The following LARP1 variants were observed in gnomAD, a reference collection of about 807,000 sequenced individuals.
LARP1 encodes the protein La ribonucleoprotein 1, translational regulator.
Under a neutral mutation model 122.7 loss-of-function variants are expected in LARP1, and 36 were observed. That is an observed-to-expected ratio of 0.29 (90% CI 0.22 to 0.39). The LOEUF (loss-of-function observed/expected upper bound fraction) is 0.39. Among genes scored for constraint, LARP1 ranks in the 10% least tolerant of loss-of-function variants. The pLI, the probability that LARP1 is intolerant of heterozygous loss-of-function variation, is 1.00. For missense variants in LARP1, 1,040 were observed against 1,403.6 expected (o/e 0.74, Z 4.14); for synonymous variants, 539 against 528.7 (o/e 1.02, Z -0.27).
chr5:154,724,919 G>A (rs1756104379), intron 1 of LARP1, among the ~76,000 whole-genome samples: 2 of 152,096 alleles, frequency 1.3e-5, no homozygotes, highest in Non-Finnish European at 2.9e-5. Flanking sequence ...TGCCCACCTT[G>A]GCCTCCCAAA....
chr5:154,769,433 T>A (rs1431696168), intron 1 of LARP1, among the ~76,000 whole-genome samples: 1 of 152,126 alleles, frequency 6.6e-6, no homozygotes, highest in African/African-American at 2.4e-5. Context: ...CAGAGGAACA[T>A]CCTCATGGGA....
rs545991732 is a variant in LARP1, at chr5:154,772,980, CT to C, written c.436+16810del. Among the ~76,000 whole-genome samples the C allele has an allele frequency of 5.1e-3, 584 of 115,108 alleles. 1 individual carries two copies. Among genetic ancestry groups the C allele is most frequent in the African/African-American group, 0.012 (353 of 28,538 alleles). 75.5% of individuals were successfully genotyped at this position (115,108 alleles called of 152,430 possible). A position where few individuals can be genotyped will look rare whatever the true frequency, so the allele number is the denominator to read the frequency against. ...ACAGGCATGAGCCACCGCACCTGGC[CT>C]TTTTTTTTTTTTTTTTTTTTTTAAA... On this transcript the variant is annotated intron_variant, in intron 1 of 18. Coordinates refer to ENST00000518297, the MANE Select transcript of LARP1 (RefSeq NM_033551.3).
In LARP1 at chr5:154,792,538, C is replaced by T. The variant is rs1757426204; in HGVS notation, c.565-84C>T. ...CATTGCATGCTGTGGCTCCTGCCTG[C>T]CCTTCTAGTGACAGGGAGTGCCTTC... On this transcript the variant is annotated intron_variant, in intron 3 of 18. Transcript: ENST00000518297. 6.3e-6 allele frequency: 8 copies of T among 1,268,684 alleles called. No homozygotes were observed. In the East Asian group the frequency reaches 1.6e-4, roughly 26 times the overall value. The allele number at this position is 1,268,684 out of a possible 1,614,324, so 78.6% of individuals were successfully genotyped here.
chr5:154,756,095 G>T lies in LARP1; in HGVS notation c.338G>T (p.Arg113Leu). Residue 113 changes from arginine to leucine, a missense_variant, in exon 1 of 19, where the codon CGC becomes CTC. Arg to Leu is a moderately radical substitution (Grantham distance 102). Transcript: ENST00000518297. ...GCTGCCGGAGCCGCGGGCGCGGGGC[G>T]CCGGGACTTCGTGGAAGCCCCCCCG... is the stretch of plus-strand genomic sequence containing the variant. ...GGAAGAAGAGRRDFVEAPPPK... is the reference protein window; with the variant it reads ...GGAAGAAGAGLRDFVEAPPPK... 4 of 1,189,604 alleles carry T rather than the reference G, an allele frequency of 3.4e-6. No homozygotes were observed. Among genetic ancestry groups the T allele is most frequent in the Non-Finnish European group, 4.3e-6 (4 of 939,598 alleles). 73.7% of individuals were successfully genotyped at this position (1,189,604 alleles called of 1,614,324 possible).
At chr5:154,734,525 T>C (rs1343426391) in intron 1 of LARP1, among the ~76,000 whole-genome samples, 1 of 152,210 alleles carries the variant, frequency 6.6e-6, no homozygotes, top group Non-Finnish European at 1.5e-5. Flanking sequence ...AATTTACATA[T>C]ATTAGAATAG....
At chr5:154,749,551 TCTC>T (rs1320321146) in intron 1 of LARP1, among the ~76,000 whole-genome samples, 1 of 152,122 alleles carries the variant, frequency 6.6e-6, no homozygotes, top group Admixed American at 6.5e-5. Flanking sequence ...GCCATTTACA[TCTC>T]CTTCACAGGA....
In LARP1 at chr5:154,790,625, A is replaced by AT; in HGVS notation, c.499-19dup. 6.2e-7 allele frequency: 1 copy of AT among 1,613,828 alleles called. No homozygotes were observed. The highest frequency in any genetic ancestry group is 8.5e-7 in the Non-Finnish European group (1 of 1,179,732). ...AGACAGGGTCACTCCTGGGGCCCTC[A>AT]TAGTGTATGTTCCCTGCAGGTTGGT... On this transcript the variant is annotated intron_variant, in intron 2 of 18. Coordinates refer to ENST00000518297, the MANE Select transcript of LARP1 (RefSeq NM_033551.3).
At chr5:154,744,959 G>A (rs1232852408) in intron 1 of LARP1, among the ~76,000 whole-genome samples, 5 of 141,862 alleles carry the variant, frequency 3.5e-5, no homozygotes, top group African/African-American at 1.1e-4. Context: ...ATGGAGTCTC[G>A]CTCTGTCACC....
intron 1 of LARP1, among the ~76,000 whole-genome samples, chr5:154,774,307 T>C (rs1755682601): frequency 6.6e-6 from 1 of 152,196 alleles, no homozygotes; most frequent in South Asian, 2.1e-4. Flanking sequence ...TCTGCATCAC[T>C]GCATCCCTGC....
intron 1 of LARP1, chr5:154,685,972 A>G (rs1156340958): frequency 2.1e-6 from 1 of 473,322 alleles, no homozygotes; most frequent in Non-Finnish European, 4.0e-6. Context: ...TCTCTTTTAT[A>G]AACTTTCTTA....
chr5:154,764,182 G>A (rs1291835875), intron 1 of LARP1, among the ~76,000 whole-genome samples: 4 of 151,500 alleles, frequency 2.6e-5, no homozygotes, highest in African/African-American at 4.9e-5. Flanking sequence ...GGTGGCATGC[G>A]CCTGTAATCC....
chr5:154,761,945 G>T lies in LARP1; in HGVS notation c.436+5752G>T, dbSNP rs78175907. On this transcript the variant is annotated intron_variant, in intron 1 of 18. Coordinates refer to ENST00000518297, the MANE Select transcript of LARP1 (RefSeq NM_033551.3). ...TTGAGTATGGGGCAGTACAGTTCAT[G>T]AATTGAAAAAGTCCTGCTGGGCGCG... Among the ~76,000 whole-genome samples, 671 of 152,216 alleles carry T rather than the reference G, an allele frequency of 4.4e-3. 6 individuals carry two copies. Among genetic ancestry groups the T allele is most frequent in the African/African-American group, 0.016 (649 of 41,522 alleles).
At chr5:154,790,032 G>C (rs1757216243) in intron 1 of LARP1, among the ~76,000 whole-genome samples, 1 of 152,204 alleles carries the variant, frequency 6.6e-6, no homozygotes. Context: ...CTCTGTTACG[G>C]AACTGTACTC....
At chr5:154,793,480 G>T in intron 4 of LARP1, 115 bp from the exon 5 acceptor site, 1 of 1,320,804 alleles carries the variant, frequency 7.6e-7, no homozygotes, top group Non-Finnish European at 1.1e-6. Context: ...TCTGCCCAAG[G>T]TAACCAGATT....
At chr5:154,789,373 C>A (rs1757167106) in intron 1 of LARP1, among the ~76,000 whole-genome samples, 1 of 151,856 alleles carries the variant, frequency 6.6e-6, no homozygotes, top group Admixed American at 6.6e-5. Flanking sequence ...GCGCCCACCA[C>A]CACGCCCAGC....
At chr5:154,762,631 A>C (rs1425455184) in intron 1 of LARP1, among the ~76,000 whole-genome samples, 1 of 152,182 alleles carries the variant, frequency 6.6e-6, no homozygotes, top group Non-Finnish European at 1.5e-5. Flanking sequence ...CCAGCTTGGT[A>C]GATCTGTCAT....
chr5:154,692,034 C>T (rs1754243629), intron 1 of LARP1, among the ~76,000 whole-genome samples: 2 of 152,152 alleles, frequency 1.3e-5, no homozygotes, highest in South Asian at 4.1e-4. Context: ...TCAGGCGATC[C>T]ACCCGCCTCC....
At chr5:154,697,435 GC>G (rs1268697034) in intron 1 of LARP1, among the ~76,000 whole-genome samples, 1 of 152,124 alleles carries the variant, frequency 6.6e-6, no homozygotes, top group Admixed American at 6.6e-5. Context: ...AAGGAAGAAA[GC>G]ACATCCACAC....
intron 1 of LARP1, among the ~76,000 whole-genome samples, chr5:154,772,397 A>G (rs1187735866): frequency 6.6e-6 from 1 of 152,194 alleles, no homozygotes; most frequent in African/African-American, 2.4e-5. Flanking sequence ...AAGTGTGTGT[A>G]AGAGTATACA....
Sources: allele counts gnomAD v4.1 joint callset (sites outside exome capture counted in the v4.1 genomes callset), GRCh38; gene constraint gnomAD v4.1.1; transcripts MANE v1.5; gene names NCBI Gene and HGNC (gene_info 2026-07-23, HGNC 2026-07-21).